CSTPP1: variants seen among roughly 807,000 people sequenced by gnomAD.
CSTPP1 encodes the protein centriolar satellite-associated tubulin polyglutamylase complex regulator 1, also known as UPF0705 protein C11orf49.
At chr11:47,119,789 T>G in the CSTPP1 span, among the ~76,000 whole-genome samples, 5 of 151,942 alleles carry the variant, frequency 3.3e-5, no homozygotes, top group African/African-American at 1.2e-4. Context: ...TTTTGTATTT[T>G]TAGTAGAGAC....
At chr11:47,082,450 A>G in the CSTPP1 span, among the ~76,000 whole-genome samples, 1 of 151,180 alleles carries the variant, frequency 6.6e-6, no homozygotes, top group South Asian at 2.1e-4. Flanking sequence ...AATAATAAAA[A>G]TACCAAAAAC....
At chr11:46,988,073 C>T in the CSTPP1 span, among the ~76,000 whole-genome samples, 46 of 152,080 alleles carry the variant, frequency 3.0e-4, no homozygotes, top group African/African-American at 1.1e-3. Flanking sequence ...CAAATGCTGG[C>T]GAGGATGTGG....
chr11:47,111,288 G>T, the CSTPP1 span, among the ~76,000 whole-genome samples: 1 of 152,118 alleles, frequency 6.6e-6, no homozygotes, highest in East Asian at 1.9e-4. Context: ...AGAGAGAGAT[G>T]TTAAAGATTA....
At chr11:47,013,042 G>T in the CSTPP1 span, among the ~76,000 whole-genome samples, 2 of 145,490 alleles carry the variant, frequency 1.4e-5, no homozygotes, top group African/African-American at 2.5e-5. Context: ...ATAATAATAT[G>T]TTATTATATA....
At chr11:47,161,641 A>C in the CSTPP1 span, 2 of 1,609,896 alleles carry the variant, frequency 1.2e-6, no homozygotes, top group South Asian at 2.2e-5. Flanking sequence ...AGACTTGAGG[A>C]GTCCAAAGGG....
the CSTPP1 span, among the ~76,000 whole-genome samples, chr11:47,083,172 A>G: frequency 6.6e-6 from 1 of 152,112 alleles, no homozygotes. Flanking sequence ...GCTGAGGATA[A>G]TGGCTTCCAG....
chr11:47,032,867 A>C, the CSTPP1 span, among the ~76,000 whole-genome samples: 1 of 152,148 alleles, frequency 6.6e-6, no homozygotes, highest in Non-Finnish European at 1.5e-5. Context: ...ATAATTTTGG[A>C]CTCACCAAGA....
chr11:47,090,835 C>T, the CSTPP1 span, among the ~76,000 whole-genome samples: 1 of 151,774 alleles, frequency 6.6e-6, no homozygotes, highest in Admixed American at 6.6e-5. Context: ...GTCAGGAGAT[C>T]GAGACCATCC....
chr11:47,151,539 T>C, the CSTPP1 span, among the ~76,000 whole-genome samples: 1 of 151,650 alleles, frequency 6.6e-6, no homozygotes, highest in Non-Finnish European at 1.5e-5. Context: ...AAGAGAAATT[T>C]CAGCAATAGC....
the CSTPP1 span, among the ~76,000 whole-genome samples, chr11:47,016,872 T>C: frequency 7.2e-6 from 1 of 139,436 alleles, no homozygotes; most frequent in East Asian, 2.1e-4. Flanking sequence ...AGATGGAGTC[T>C]CGCTCTGTCG....
the CSTPP1 span, among the ~76,000 whole-genome samples, chr11:47,022,804 G>A: frequency 0.76 from 115,519 of 152,070 alleles, 44,594 homozygotes; most frequent in African/African-American, 0.84. Context: ...ATAATAATAA[G>A]ATAGTCCCCG....
chr11:47,069,254 G>A, the CSTPP1 span, among the ~76,000 whole-genome samples: 2 of 152,258 alleles, frequency 1.3e-5, no homozygotes, highest in African/African-American at 2.4e-5. Context: ...CTAGTCACTT[G>A]GTAGGACCTG....
chr11:47,033,317 T>G, the CSTPP1 span, among the ~76,000 whole-genome samples: 1 of 152,236 alleles, frequency 6.6e-6, no homozygotes, highest in Non-Finnish European at 1.5e-5. Flanking sequence ...CCTGTATCAC[T>G]GAAGAGTTCA....
the CSTPP1 span, among the ~76,000 whole-genome samples, chr11:47,023,701 A>C: frequency 6.6e-6 from 1 of 152,186 alleles, no homozygotes; most frequent in Non-Finnish European, 1.5e-5. Context: ...AAGTGAACTC[A>C]TACAATATTT....
At chr11:47,161,757 A>G in the CSTPP1 span, 5 of 1,444,548 alleles carry the variant, frequency 3.5e-6, no homozygotes, top group South Asian at 1.5e-5. Context: ...GACAAGGTGA[A>G]TAACAGCCCC....
chr11:47,119,030 T>C, the CSTPP1 span, among the ~76,000 whole-genome samples: 1 of 152,266 alleles, frequency 6.6e-6, no homozygotes, highest in Non-Finnish European at 1.5e-5. Context: ...AGAAGTTGTC[T>C]GCTGCCTTTT....
the CSTPP1 span, among the ~76,000 whole-genome samples, chr11:47,135,512 T>C: frequency 2.0e-5 from 3 of 152,210 alleles, no homozygotes; most frequent in Non-Finnish European, 1.5e-5. Context: ...CAATACCCAC[T>C]GTACAACAGC....
At chr11:46,964,058 C>G in the CSTPP1 span, among the ~76,000 whole-genome samples, 1 of 151,952 alleles carries the variant, frequency 6.6e-6, no homozygotes, top group Non-Finnish European at 1.5e-5. Context: ...TCTATCTGGT[C>G]TCGTTACCTT....
the CSTPP1 span, among the ~76,000 whole-genome samples, chr11:47,153,263 G>A: frequency 5.3e-5 from 8 of 152,152 alleles, no homozygotes; most frequent in Non-Finnish European, 1.2e-4. Context: ...ACTGACAGAG[G>A]GACCAGGGCA....
Sources: gnomAD v4.1 joint callset for allele counts (sites outside exome capture counted in the v4.1 genomes callset) on GRCh38, gnomAD v4.1.1 for gene constraint, MANE v1.5 for transcripts, NCBI Gene and HGNC (gene_info 2026-07-23, HGNC 2026-07-21) for gene names.